OGFOD1: variants seen among roughly 807,000 people sequenced by gnomAD.
OGFOD1 encodes the protein prolyl 3-hydroxylase OGFOD1.
A neutral mutation model predicts 67.7 loss-of-function variants in OGFOD1; 54 were observed. The observed-to-expected ratio is 0.80, with a 90% CI of 0.64 to 1.00. The LOEUF (loss-of-function observed/expected upper bound fraction) is 1.00. Among genes scored for constraint, OGFOD1 ranks in the 50% least tolerant of loss-of-function variants. OGFOD1 has a pLI of 0.00. For synonymous variants in OGFOD1, 221 were observed against 227.0 expected (o/e 0.97, Z 0.24); for missense variants, 606 against 646.7 (o/e 0.94, Z 0.68).
chr16:56,453,373 C>T lies in OGFOD1; in HGVS notation c.265C>T (p.His89Tyr), dbSNP rs140515584. 525 of 1,613,368 alleles carry T rather than the reference C, an allele frequency of 3.3e-4. No homozygotes were observed. Among genetic ancestry groups the T allele is most frequent in the Non-Finnish European group, 4.4e-4 (520 of 1,179,826 alleles). Residue 89 changes from histidine to tyrosine, a missense_variant, in exon 2 of 13, where the codon CAT becomes TAT. His to Tyr is a moderately conservative substitution (Grantham distance 83, BLOSUM62 2). Coordinates refer to ENST00000566157, the MANE Select transcript of OGFOD1 (RefSeq NM_018233.4). ...GAAGGAACTGATGAACTTGGACTTCCATGAGAAGTATAATGATTTATATAA... is the reference window on the plus strand; with the variant it reads ...GAAGGAACTGATGAACTTGGACTTCTATGAGAAGTATAATGATTTATATAA... ...LQKELMNLDF[H>Y]EKYNDLYKFQ... is the part of the protein sequence containing the mutation.
At position 56,478,409 on chromosome 16, in the gene OGFOD1, ACT is replaced by A. The variant is rs1484994846; in HGVS notation, c.*2206_*2207del. 1 of 152,098 alleles carries A rather than the reference ACT, an allele frequency of 6.6e-6. No individual in the cohort carries two copies. The highest frequency in any genetic ancestry group is 1.5e-5 in the Non-Finnish European group (1 of 68,014). The allele number at this position is 152,098 out of a possible 1,614,324, so 9.4% of individuals were successfully genotyped here. On this transcript the variant is annotated 3_prime_UTR_variant, in exon 13 of 13. Transcript: ENST00000566157. ...AATTTTTTAACCACAGTGTAGCAAC[ACT>A]CAAGTGGGATTGCGAATACTGTTAC...
At chr16:56,473,557 C>A (rs1169109265) in intron 10 of OGFOD1, among the ~76,000 whole-genome samples, 1 of 152,218 alleles carries the variant, frequency 6.6e-6, no homozygotes, top group Non-Finnish European at 1.5e-5. Context: ...GCACTCCCAC[C>A]AGCATTGTAC....
rs934532671 is a variant in OGFOD1 at position 56,478,126 on chromosome 16, C to T, written c.*1921C>T. On this transcript the variant is annotated 3_prime_UTR_variant, in exon 13 of 13. Coordinates refer to ENST00000566157, the MANE Select transcript of OGFOD1 (RefSeq NM_018233.4). ...TTGTCTTCCCCTATGCATATGGTAA[C>T]GAACCATTTTACACCATACTATTTT... 1.3e-5 allele frequency: 2 copies of T among 152,068 alleles called. No homozygotes were observed. The highest frequency in any genetic ancestry group is 2.4e-5 in the African/African-American group (1 of 41,388). 9.4% of individuals were successfully genotyped at this position (152,068 alleles called of 1,614,324 possible).
chr16:56,463,217 G>A (rs1200133167), intron 4 of OGFOD1, among the ~76,000 whole-genome samples: 5 of 151,840 alleles, frequency 3.3e-5, no homozygotes, highest in Non-Finnish European at 7.4e-5. Flanking sequence ...AGAAGGAAAA[G>A]GTTTTTTCTT....
intron 10 of OGFOD1, among the ~76,000 whole-genome samples, chr16:56,472,419 G>A (rs1313902405): frequency 6.6e-6 from 1 of 152,162 alleles, no homozygotes; most frequent in African/African-American, 2.4e-5. Context: ...GCAGAGTAGG[G>A]AATACAAAAG....
chr16:56,476,250 C>A lies in OGFOD1; in HGVS notation c.*45C>A, dbSNP rs368460293. 1 of 1,569,546 alleles carries A rather than the reference C, an allele frequency of 6.4e-7. No homozygotes were observed. The highest frequency in any genetic ancestry group is 8.7e-7 in the Non-Finnish European group (1 of 1,155,942). On this transcript the variant is annotated 3_prime_UTR_variant, in exon 13 of 13. Transcript: ENST00000566157. ...ACAAAAATGTGACCCTTCGTAATTA[C>A]TGGGAAGTCTGAAAGAGCTAAGCAT...
intron 2 of OGFOD1, among the ~76,000 whole-genome samples, chr16:56,455,934 A>G (rs2143971197): frequency 6.6e-6 from 1 of 152,206 alleles, no homozygotes; most frequent in East Asian, 1.9e-4. Context: ...TTCAGCTACC[A>G]TCCCATTGCT....
chr16:56,470,613 C>T lies in OGFOD1; in HGVS notation c.1107C>T (p.Ala369=). 3 of 1,614,020 alleles carry T rather than the reference C, an allele frequency of 1.9e-6. No individual in the cohort carries two copies. Among genetic ancestry groups the T allele is most frequent in the Non-Finnish European group, 2.5e-6 (3 of 1,180,018 alleles). The part of the protein sequence containing the change: ...NFTGLKLHFL[A]PSEEDEMNDK... ...CAGGCCTGAAGCTTCATTTCTTGGC[C>T]CCTTCGGAAGAAGATGAGATGAATG... The change falls in exon 10 of 13, where the codon GCC becomes GCT. Residue 369 remains alanine (A), a synonymous_variant. Coordinates refer to ENST00000566157, the MANE Select transcript of OGFOD1 (RefSeq NM_018233.4).
chr16:56,470,813 T>G, intron 10 of OGFOD1, 22 bp downstream of exon 10: 1 of 1,542,682 alleles, frequency 6.5e-7, no homozygotes. Flanking sequence ...TTAGGATTTG[T>G]CCTTACTTAC....
chr16:56,453,131 CAAAT>C, intron 1 of OGFOD1, 128 bp from the exon 2 acceptor site: 1 of 872,006 alleles, frequency 1.1e-6, no homozygotes, highest in Non-Finnish European at 1.7e-6. Context: ...ATTTTTTCCC[CAAAT>C]CTTAGACTTT....
intron 2 of OGFOD1, chr16:56,454,824 T>C: frequency 2.3e-6 from 1 of 441,516 alleles, no homozygotes; most frequent in South Asian, 1.6e-5. Flanking sequence ...TCTTTCTGTC[T>C]TTGGACCTTA....
At chr16:56,454,681 A>T in intron 2 of OGFOD1, 1 of 368,438 alleles carries the variant, frequency 2.7e-6, no homozygotes, top group Non-Finnish European at 5.3e-6. Context: ...TAAAAAGATG[A>T]AGAATAATTT....
rs745450378 is a variant in OGFOD1 at position 56,467,972 on chromosome 16, A to G, written c.854A>G (p.Glu285Gly). The change falls in exon 8 of 13, where the codon GAA becomes GGA. Residue 285 changes from glutamate (E) to glycine (G), a missense_variant. Transcript: ENST00000566157. Reference protein sequence around the residue: ...LDMDYQVQIQEEFEESSEILL... With the variant: ...LDMDYQVQIQGEFEESSEILL... ...ATGGATTACCAAGTTCAAATTCAAG[A>G]AGAGTTTGAAGAAAGTTCTGAAATT... is the stretch of plus-strand genomic sequence containing the variant. 130 of 1,604,436 alleles carry G rather than the reference A, an allele frequency of 8.1e-5. No homozygotes were observed. The highest frequency in any genetic ancestry group is 4.0e-4 in the Admixed American group (24 of 59,974).
chr16:56,473,498 A>C (rs1212995084), intron 10 of OGFOD1, among the ~76,000 whole-genome samples: 1 of 152,218 alleles, frequency 6.6e-6, no homozygotes, highest in East Asian at 1.9e-4. Context: ...AGACTGCTCA[A>C]AATTTTAAGG....
chr16:56,468,054 T>A (rs1353903303), intron 8 of OGFOD1, 36 bp downstream of exon 8: 1 of 1,176,586 alleles, frequency 8.5e-7, no homozygotes, highest in Non-Finnish European at 1.3e-6. Context: ...ATATTTTGTT[T>A]GGCATGCAAT....
intron 10 of OGFOD1, among the ~76,000 whole-genome samples, chr16:56,474,306 TCAAA>T (rs1401128569): frequency 6.6e-6 from 1 of 150,632 alleles, no homozygotes; most frequent in East Asian, 1.9e-4. Flanking sequence ...TAGAGAGAAA[TCAAA>T]ATTCAACTTT....
At chr16:56,467,048 T>TA (rs1312509418) in intron 6 of OGFOD1, 81 bp downstream of exon 6, 9 of 1,540,466 alleles carry the variant, frequency 5.8e-6, no homozygotes, top group East Asian at 2.2e-5. Flanking sequence ...AGCTTCCTGT[T>TA]AGACTTGTTA....
intron 2 of OGFOD1, among the ~76,000 whole-genome samples, chr16:56,456,160 T>G (rs1962515674): frequency 6.6e-6 from 1 of 152,218 alleles, no homozygotes; most frequent in Non-Finnish European, 1.5e-5. Flanking sequence ...GCATTTGACC[T>G]ACTATATCAC....
chr16:56,454,386 A>G (rs1330523134), intron 2 of OGFOD1, among the ~76,000 whole-genome samples: 2 of 152,122 alleles, frequency 1.3e-5, no homozygotes, highest in Non-Finnish European at 2.9e-5. Flanking sequence ...TTTTTGTTTC[A>G]GGTGACTTGC....
Sources: allele counts gnomAD v4.1 joint callset (sites outside exome capture counted in the v4.1 genomes callset), GRCh38; gene constraint gnomAD v4.1.1; transcripts MANE v1.5; gene names NCBI Gene and HGNC (gene_info 2026-07-23, HGNC 2026-07-21).